CDH13: variants seen among roughly 807,000 people sequenced by gnomAD.
The protein encoded by CDH13 is cadherin 13.
CDH13 carries 24 observed loss-of-function variants against 63.8 expected under a neutral mutation model. The ratio of observed to expected loss-of-function variants is 0.38; its 90% CI spans 0.27 to 0.53. The LOEUF (loss-of-function observed/expected upper bound fraction) is 0.53, where lower values mean the gene tolerates loss of function less well. CDH13 is among the 20% of genes least tolerant of loss of function. The pLI, the probability that CDH13 is intolerant of heterozygous loss-of-function variation, is 0.85. For synonymous variants in CDH13, 503 were observed against 355.3 expected (o/e 1.42, Z -4.67); for missense variants, 1,049 against 903.1 (o/e 1.16, Z -2.07).
At chr16:83,490,371 G>A (rs567537855) in intron 7 of CDH13, among the ~76,000 whole-genome samples, 3 of 152,206 alleles carry the variant, frequency 2.0e-5, no homozygotes, top group African/African-American at 7.2e-5. Flanking sequence ...TTTGTAACAA[G>A]GCTTGTAACT....
At chr16:83,388,764 C>G (rs1433002130) in intron 6 of CDH13, among the ~76,000 whole-genome samples, 2 of 152,150 alleles carry the variant, frequency 1.3e-5, no homozygotes, top group Admixed American at 1.3e-4. Context: ...ACCACCCTCT[C>G]CATACTTGCT....
At chr16:83,572,175 G>GTTTTGTGTGTGT (rs145519267) in intron 7 of CDH13, among the ~76,000 whole-genome samples, 33 of 145,694 alleles carry the variant, frequency 2.3e-4, no homozygotes, top group African/African-American at 8.4e-4. Flanking sequence ...ACTTTCCTGT[G>GTTTTGTGTGTGT]GTGTGTGTGT....
chr16:83,286,799 C>G (rs1243547530), intron 5 of CDH13, among the ~76,000 whole-genome samples: 2 of 148,588 alleles, frequency 1.3e-5, no homozygotes, highest in Admixed American at 1.3e-4. Context: ...TATATATACA[C>G]ACACACATAT....
At chr16:82,681,611 T>G (rs1914554121) in intron 1 of CDH13, among the ~76,000 whole-genome samples, 1 of 152,250 alleles carries the variant, frequency 6.6e-6, no homozygotes, top group Admixed American at 6.5e-5. Context: ...CTTTCTTGCT[T>G]AACCTGGCGG....
chr16:83,655,782 G>T (rs370828019), intron 8 of CDH13, among the ~76,000 whole-genome samples: 1 of 152,172 alleles, frequency 6.6e-6, no homozygotes, highest in African/African-American at 2.4e-5. Context: ...TGGCTTCATT[G>T]AATCAATGAA....
At chr16:83,275,624 T>G (rs1009137374) in intron 5 of CDH13, among the ~76,000 whole-genome samples, 2 of 151,600 alleles carry the variant, frequency 1.3e-5, no homozygotes, top group African/African-American at 4.9e-5. Flanking sequence ...CTCCTGGCAT[T>G]AGTAAAACCT....
At chr16:82,776,042 T>G (rs2035480407) in intron 1 of CDH13, among the ~76,000 whole-genome samples, 3 of 152,076 alleles carry the variant, frequency 2.0e-5, no homozygotes. Context: ...AAACACTCTC[T>G]CTCCTAAAAA....
intron 8 of CDH13, among the ~76,000 whole-genome samples, chr16:83,627,942 C>T (rs1038071429): frequency 6.6e-6 from 1 of 152,174 alleles, no homozygotes; most frequent in African/African-American, 2.4e-5. Context: ...GGGCAATTCC[C>T]AGGGCTTTTT....
At chr16:83,041,225 A>C (rs561895784) in intron 3 of CDH13, among the ~76,000 whole-genome samples, 105 of 152,286 alleles carry the variant, frequency 6.9e-4, no homozygotes, top group African/African-American at 2.5e-3. Flanking sequence ...CTTTTTTGTC[A>C]TTACAAGAAT....
At chr16:83,735,179 C>T (rs993642455) in intron 10 of CDH13, 7 of 152,178 alleles carry the variant, frequency 4.6e-5, no homozygotes, top group African/African-American at 7.2e-5. Flanking sequence ...CAACATCCCA[C>T]GGCAGTACAT....
At chr16:83,558,849 G>A (rs1302714457) in intron 7 of CDH13, among the ~76,000 whole-genome samples, 1 of 152,178 alleles carries the variant, frequency 6.6e-6, no homozygotes, top group African/African-American at 2.4e-5. Flanking sequence ...AGGAAAACTG[G>A]ATCTGTGGTC....
At chr16:82,648,965 T>A (rs1350892107) in intron 1 of CDH13, among the ~76,000 whole-genome samples, 1 of 152,036 alleles carries the variant, frequency 6.6e-6, no homozygotes, top group Non-Finnish European at 1.5e-5. Flanking sequence ...AAGAGCCAAT[T>A]TTAGATGGTT....
chr16:83,285,867 C>G (rs1021056400), intron 5 of CDH13, among the ~76,000 whole-genome samples: 6 of 152,116 alleles, frequency 3.9e-5, no homozygotes, highest in Admixed American at 3.9e-4. Flanking sequence ...AAAAAATAAA[C>G]TCTACTCATT....
chr16:82,633,132 G>A (rs1157194681), intron 1 of CDH13, among the ~76,000 whole-genome samples: 1 of 152,178 alleles, frequency 6.6e-6, no homozygotes, highest in Non-Finnish European at 1.5e-5. Flanking sequence ...CCATGGACTG[G>A]TACTGGCCTG....
rs935728817 is a variant in CDH13 at position 83,208,841 on chromosome 16, C to G, written c.484-8504C>G. On this transcript the variant is annotated intron_variant, in intron 4 of 13. Transcript: ENST00000567109. The stretch of plus-strand genomic sequence containing the variant: ...GGCGCATCAATCTGGTTGGATGTGA[C>G]AGGGAAAGGGTACTAGAATTTATTT... Among the ~76,000 whole-genome samples the G allele has an allele frequency of 2.0e-5, 3 of 152,150 alleles. No homozygotes were observed. In the East Asian group the frequency reaches 5.8e-4, roughly 29 times the overall value.
At chr16:82,966,112 C>G (rs1415455201) in intron 2 of CDH13, among the ~76,000 whole-genome samples, 2 of 152,146 alleles carry the variant, frequency 1.3e-5, no homozygotes, top group Non-Finnish European at 2.9e-5. Context: ...GTCTTTACAT[C>G]AACCTGAGAA....
intron 6 of CDH13, among the ~76,000 whole-genome samples, chr16:83,437,816 C>G (rs1439411106): frequency 6.6e-6 from 1 of 152,060 alleles, no homozygotes; most frequent in African/African-American, 2.4e-5. Flanking sequence ...AATAGTTTGG[C>G]CAAAGGGTAG....
intron 2 of CDH13, among the ~76,000 whole-genome samples, chr16:82,944,629 T>A (rs1312906995): frequency 6.6e-6 from 1 of 152,192 alleles, no homozygotes; most frequent in African/African-American, 2.4e-5. Context: ...CAGGACTGCC[T>A]ATCATAGCAG....
At chr16:83,287,264 G>T (rs1308121993) in intron 5 of CDH13, among the ~76,000 whole-genome samples, 4 of 152,152 alleles carry the variant, frequency 2.6e-5, no homozygotes, top group Non-Finnish European at 5.9e-5. Context: ...AGCCAGAGAG[G>T]CATTCGCTTC....
Sources: allele counts gnomAD v4.1 joint callset (sites outside exome capture counted in the v4.1 genomes callset), GRCh38; gene constraint gnomAD v4.1.1; transcripts MANE v1.5; gene names NCBI Gene and HGNC (gene_info 2026-07-23, HGNC 2026-07-21).